Variants in ADGRE2 observed in about 807,000 individuals in gnomAD.
The protein encoded by ADGRE2 is CD97 antigen.
In ADGRE2, 83 loss-of-function variants were observed where a neutral mutation model predicts 100.8. That is an observed-to-expected ratio of 0.82 (90% CI 0.69 to 0.99). The LOEUF (loss-of-function observed/expected upper bound fraction) is 0.99. Among genes scored for constraint, ADGRE2 ranks in the 50% least tolerant of loss-of-function variants. ADGRE2 has a pLI of 0.00. For missense variants in ADGRE2, 814 were observed against 1,035.7 expected (o/e 0.79, Z 2.94); for synonymous variants, 355 against 413.0 (o/e 0.86, Z 1.70).
intron 13 of ADGRE2, 54 bp downstream of exon 13, chr19:14,755,600 G>A: frequency 6.7e-7 from 1 of 1,498,176 alleles, no homozygotes; most frequent in Middle Eastern, 1.7e-4. Flanking sequence ...TGAGCAGCAA[G>A]GCTATGCCCG....
intron 5 of ADGRE2, among the ~76,000 whole-genome samples, chr19:14,770,675 T>TTTTA (rs1568623193): frequency 1.8e-5 from 2 of 109,160 alleles, no homozygotes; most frequent in African/African-American, 3.6e-5. Context: ...TTTTCTTTTT[T>TTTTA]TTTTTTTTTT....
chr19:14,759,504 T>TATATATATATATATATATATATATATA (rs1555786067), intron 11 of ADGRE2, among the ~76,000 whole-genome samples: 4 of 70,950 alleles, frequency 5.6e-5, no homozygotes, highest in African/African-American at 1.8e-4. Context: ...TATATATATA[T>TATATATATATATATATATATATATATA]TTTTTTTTTT....
Position 14,732,977 on chromosome 19 carries a change from A to C in ADGRE2, c.*3259T>G, listed in dbSNP as rs1007166155. On this transcript the variant is annotated 3_prime_UTR_variant, in exon 21 of 21. Coordinates refer to ENST00000315576, the MANE Select transcript of ADGRE2 (RefSeq NM_013447.4). Reference sequence around the variant, plus strand: ...GCGACCCCTGCTCTAGGTAGACTCTATGGGGATATGGGCTCTACACTCATA... The same window carrying C: ...GCGACCCCTGCTCTAGGTAGACTCTCTGGGGATATGGGCTCTACACTCATA... 9 of 152,088 alleles carry C rather than the reference A, an allele frequency of 5.9e-5. No individual in the cohort carries two copies. The highest frequency in any genetic ancestry group is 1.9e-4 in the African/African-American group (8 of 41,400). 9.4% of individuals were successfully genotyped at this position (152,088 alleles called of 1,614,324 possible).
At chr19:14,739,641 A>C (rs1285456003) in intron 20 of ADGRE2, among the ~76,000 whole-genome samples, 1 of 152,188 alleles carries the variant, frequency 6.6e-6, no homozygotes, top group Admixed American at 6.6e-5. Flanking sequence ...AGAGGTTCAC[A>C]TCCCTAATCC....
At chr19:14,775,282 G>A (rs149037202) in intron 2 of ADGRE2, among the ~76,000 whole-genome samples, 24 of 152,092 alleles carry the variant, frequency 1.6e-4, no homozygotes, top group Admixed American at 7.2e-4. Flanking sequence ...TGGGATTACA[G>A]GCATGAGCCA....
intron 14 of ADGRE2, 61 bp downstream of exon 14, chr19:14,754,893 G>A (rs1336817501): frequency 3.2e-6 from 5 of 1,572,042 alleles, no homozygotes; most frequent in African/African-American, 2.7e-5. Context: ...AGGCTGCTAC[G>A]TCTCTGGGGA....
At chr19:14,751,831 T>G (rs556203353) in intron 15 of ADGRE2, among the ~76,000 whole-genome samples, 160 bp from the exon 16 acceptor site, 5 of 151,596 alleles carry the variant, frequency 3.3e-5, no homozygotes, top group Admixed American at 6.6e-5. Context: ...ATTGGTGGTG[T>G]TCTCTTCTAA....
intron 13 of ADGRE2, among the ~76,000 whole-genome samples, chr19:14,755,385 G>A (rs539644338): frequency 1.9e-3 from 284 of 152,184 alleles, no homozygotes; most frequent in African/African-American, 5.8e-3. Context: ...CCTGGGAGGC[G>A]GAGACTGCAG....
intron 20 of ADGRE2, among the ~76,000 whole-genome samples, chr19:14,742,926 ATTTT>A (rs561466290): frequency 2.1e-5 from 3 of 145,728 alleles, no homozygotes; most frequent in African/African-American, 7.5e-5. Context: ...AGAGCCAAGG[ATTTT>A]TTTTTTTTTT....
downstream of ADGRE2, among the ~76,000 whole-genome samples, chr19:14,727,529 G>A (rs964802812): frequency 4.6e-5 from 7 of 152,106 alleles, no homozygotes; most frequent in Admixed American, 4.6e-4. Flanking sequence ...CTGATCTGGT[G>A]TGAACTACCA....
At chr19:14,748,469 C>G (rs2043159793) in intron 16 of ADGRE2, among the ~76,000 whole-genome samples, 1 of 152,126 alleles carries the variant, frequency 6.6e-6, no homozygotes, top group Non-Finnish European at 1.5e-5. Flanking sequence ...CGACCACGCC[C>G]AGCTAACTTT....
At position 14,765,411 on chromosome 19, in the gene ADGRE2, A is replaced by C. The variant is rs769951438; in HGVS notation, c.829-14T>G. ...TCGGGAAAGCGTCTGCAGAGAGAGG[A>C]GATGTGGGGGTCAGAGAGCCTGGAC... On this transcript the variant is annotated splice_polypyrimidine_tract_variant and intron_variant, in intron 9 of 20. Transcript: ENST00000315576. 22 of 1,613,924 alleles carry C rather than the reference A, an allele frequency of 1.4e-5. No individual in the cohort carries two copies. The highest frequency in any genetic ancestry group is 1.8e-5 in the Non-Finnish European group (21 of 1,179,952).
intron 3 of ADGRE2, 31 bp from the exon 4 acceptor site, chr19:14,774,085 G>A: frequency 1.3e-6 from 2 of 1,598,336 alleles, no homozygotes; most frequent in Non-Finnish European, 1.7e-6. Context: ...GTCAGAAGGT[G>A]AGGGGTAAGG....
intron 14 of ADGRE2, among the ~76,000 whole-genome samples, chr19:14,753,021 C>T (rs2043351337): frequency 6.6e-6 from 1 of 152,000 alleles, no homozygotes; most frequent in Non-Finnish European, 1.5e-5. Flanking sequence ...CCACCCGCCT[C>T]GGCCTCCCAA....
rs62122628 is a variant in ADGRE2, at chr19:14,778,523, C to T, written c.-438G>A. 226,078 of 835,684 alleles carry T rather than the reference C, an allele frequency of 0.27. 31,706 individuals are homozygous for T. The highest frequency in any genetic ancestry group is 0.28 in the Non-Finnish European group (196,545 of 692,754). 51.8% of individuals were successfully genotyped at this position (835,684 alleles called of 1,614,324 possible). ...CAGGTGCCAAGAAGAGAAGCTTCAC[C>T]GCACAGAGCAGACCCCCCGGATCTT... On this transcript the variant is annotated 5_prime_UTR_variant, in exon 1 of 21. Coordinates refer to ENST00000315576, the MANE Select transcript of ADGRE2 (RefSeq NM_013447.4).
intron 11 of ADGRE2, among the ~76,000 whole-genome samples, chr19:14,761,175 A>G (rs1301551859): frequency 6.6e-6 from 1 of 152,208 alleles, no homozygotes; most frequent in East Asian, 1.9e-4. Flanking sequence ...AGGCCGAGGC[A>G]GGCGGATCAC....
In ADGRE2 at chr19:14,756,277, G is replaced by A. The variant is rs751623919; in HGVS notation, c.1153C>T (p.Gln385Ter). The change falls in exon 12 of 21, where the codon CAG becomes TAG. Residue 385 changes from glutamine to a stop codon, truncating the protein, a stop_gained. Transcript: ENST00000315576. LOFTEE classifies it high-confidence loss of function. ...TTCTGTGCCTGATTCCAGTCGAGCT[G>A]CATCACTGCCTGATTCTGTCTCAAG... ...VTLRQNQAVM[Q>*]LDWNQAQKSG... The A allele has an allele frequency of 3.7e-6, 6 of 1,613,924 alleles. No individual in the cohort carries two copies. The highest frequency in any genetic ancestry group is 5.1e-6 in the Non-Finnish European group (6 of 1,179,996).
chr19:14,762,383 CTAGAT>C (rs2043757988), intron 11 of ADGRE2, among the ~76,000 whole-genome samples: 1 of 152,050 alleles, frequency 6.6e-6, no homozygotes, highest in African/African-American at 2.4e-5. Context: ...AGGAGCTAGA[CTAGAT>C]GGTCACATAT....
chr19:14,772,646 T>C, intron 4 of ADGRE2, 149 bp from the exon 5 acceptor site: 2 of 932,796 alleles, frequency 2.1e-6, no homozygotes, highest in East Asian at 5.3e-5. Context: ...ATGCTGCAGC[T>C]GGAGCAGGCC....
Sources: gnomAD v4.1 joint callset for allele counts (sites outside exome capture counted in the v4.1 genomes callset) on GRCh38, gnomAD v4.1.1 for gene constraint, MANE v1.5 for transcripts, NCBI Gene and HGNC (gene_info 2026-07-23, HGNC 2026-07-21) for gene names.